Variants in ARIH1 observed in about 807,000 individuals in gnomAD.
The protein encoded by ARIH1 is E3 ubiquitin-protein ligase ARIH1.
In ARIH1, 8 loss-of-function variants were observed where a neutral mutation model predicts 85.0. The ratio of observed to expected loss-of-function variants is 0.09; its 90% confidence interval spans 0.06 to 0.17. The LOEUF (loss-of-function observed/expected upper bound fraction) is 0.17. Ranked by LOEUF, ARIH1 falls within the 10% of genes least tolerant of loss-of-function variation. The pLI, the probability that ARIH1 is intolerant of heterozygous loss-of-function variation, is 1.00. For missense variants in ARIH1, 311 were observed against 718.1 expected (o/e 0.43, Z 6.48); for synonymous variants, 238 against 253.6 (o/e 0.94, Z 0.59).
intron 11 of ARIH1, among the ~76,000 whole-genome samples, chr15:72,574,960 A>G (rs2064263972): frequency 6.8e-6 from 1 of 146,538 alleles, no homozygotes; most frequent in Admixed American, 7.0e-5. Context: ...TTAGCCATGC[A>G]TGTTGGTGTG....
chr15:72,579,168 C>G (rs2064285025), intron 11 of ARIH1, among the ~76,000 whole-genome samples: 1 of 152,160 alleles, frequency 6.6e-6, no homozygotes, highest in African/African-American at 2.4e-5. Flanking sequence ...TCTTGAGTCT[C>G]CTCTACCTGT....
chr15:72,576,340 C>T (rs1160074494), intron 11 of ARIH1, among the ~76,000 whole-genome samples: 1 of 151,802 alleles, frequency 6.6e-6, no homozygotes, highest in African/African-American at 2.4e-5. Context: ...CCCATCTCTA[C>T]TAAAAATACA....
At chr15:72,546,678 GTTTGT>G (rs1454106480) in intron 3 of ARIH1, among the ~76,000 whole-genome samples, 3 of 151,028 alleles carry the variant, frequency 2.0e-5, no homozygotes, top group Non-Finnish European at 4.4e-5. Context: ...TGTGTGTTTT[GTTTGT>G]TTTGTTTTGT....
intron 2 of ARIH1, among the ~76,000 whole-genome samples, chr15:72,528,100 C>G (rs1461948379): frequency 1.3e-5 from 2 of 152,054 alleles, no homozygotes; most frequent in African/African-American, 4.8e-5. Flanking sequence ...TTTCTTGCAG[C>G]TCAGATTTCT....
chr15:72,490,974 G>A (rs1038435987), intron 1 of ARIH1, among the ~76,000 whole-genome samples: 4 of 152,014 alleles, frequency 2.6e-5, no homozygotes, highest in Non-Finnish European at 5.9e-5. Flanking sequence ...AAATTAGCCC[G>A]GTGTGGTGGT....
chr15:72,546,655 CTGTGTGTG>C (rs35847751), intron 3 of ARIH1, among the ~76,000 whole-genome samples: 1 of 149,430 alleles, frequency 6.7e-6, no homozygotes, highest in Non-Finnish European at 1.5e-5. Flanking sequence ...GCTGATTTTT[CTGTGTGTG>C]TGTGTGTGTG....
intron 5 of ARIH1, among the ~76,000 whole-genome samples, chr15:72,557,363 G>T (rs950845013): frequency 2.6e-5 from 4 of 151,934 alleles, no homozygotes; most frequent in Non-Finnish European, 4.4e-5. Context: ...TGGCTACTTC[G>T]TTGACAAAGC....
intron 1 of ARIH1, among the ~76,000 whole-genome samples, chr15:72,486,914 C>G (rs550737281): frequency 6.6e-6 from 1 of 151,608 alleles, no homozygotes; most frequent in Non-Finnish European, 1.5e-5. Context: ...AGGCTGGTCT[C>G]GAACTCCTGT....
At position 72,589,224 on chromosome 15, in the gene ARIH1, G is replaced by A. The variant is rs1261896017; in HGVS notation, c.*5932G>A. 1 of 152,124 alleles carries A rather than the reference G, an allele frequency of 6.6e-6. No individual in the cohort carries two copies. Among genetic ancestry groups the A allele is most frequent in the Non-Finnish European group, 1.5e-5 (1 of 68,036 alleles). The allele number at this position is 152,124 out of a possible 1,614,324, so 9.4% of individuals were successfully genotyped here. A position where few individuals can be genotyped will look rare whatever the true frequency, so the allele number is the denominator to read the frequency against. Reference sequence around the variant, plus strand: ...TCATATACTACTAACTTACTCAAAAGTTACACATTGAGTGTATAACAGGGC... The same window carrying A: ...TCATATACTACTAACTTACTCAAAAATTACACATTGAGTGTATAACAGGGC... On this transcript the variant is annotated 3_prime_UTR_variant, in exon 14 of 14. Transcript: ENST00000379887.
At chr15:72,506,559 G>GA (rs2063926623) in intron 1 of ARIH1, among the ~76,000 whole-genome samples, 1 of 151,848 alleles carries the variant, frequency 6.6e-6, no homozygotes, top group Non-Finnish European at 1.5e-5. Flanking sequence ...ATATTCCTTA[G>GA]AATACAGATG....
At chr15:72,477,009 C>T (rs916803539) in intron 1 of ARIH1, among the ~76,000 whole-genome samples, 3 of 152,042 alleles carry the variant, frequency 2.0e-5, no homozygotes, top group African/African-American at 7.2e-5. Context: ...TTGAAAATAT[C>T]CTCATAGGTC....
chr15:72,520,709 A>G (rs1235320585), intron 2 of ARIH1, among the ~76,000 whole-genome samples: 1 of 152,196 alleles, frequency 6.6e-6, no homozygotes, highest in South Asian at 2.1e-4. Flanking sequence ...CCTACTTACA[A>G]CTATATAAAA....
At chr15:72,546,432 C>CT (rs1244272464) in intron 3 of ARIH1, among the ~76,000 whole-genome samples, 3 of 152,170 alleles carry the variant, frequency 2.0e-5, no homozygotes, top group African/African-American at 4.8e-5. Context: ...GATCGTAACT[C>CT]TAACGTGAAA....
chr15:72,516,855 A>G (rs1303092419), intron 1 of ARIH1, among the ~76,000 whole-genome samples: 1 of 152,154 alleles, frequency 6.6e-6, no homozygotes, highest in Non-Finnish European at 1.5e-5. Context: ...GTCCACAGAG[A>G]TCTTTTTTGG....
At chr15:72,520,968 C>G (rs1424017236) in intron 2 of ARIH1, among the ~76,000 whole-genome samples, 1 of 152,030 alleles carries the variant, frequency 6.6e-6, no homozygotes, top group Non-Finnish European at 1.5e-5. Context: ...TTCAGCACCC[C>G]CAGTAGCTGG....
rs569048183 is a variant in ARIH1 at position 72,569,766 on chromosome 15, G to A, written c.1027-411G>A. On this transcript the variant is annotated intron_variant, in intron 9 of 13. Transcript: ENST00000379887. ...ATAGTACTGTTATTACTATATATAT[G>A]ACTAAAAGTACTTAAAATGATTTGT... Among the ~76,000 whole-genome samples, 6 of 152,162 alleles carry A rather than the reference G, an allele frequency of 3.9e-5. No individual in the cohort carries two copies. In the East Asian group the frequency reaches 1.2e-3, roughly 29 times the overall value.
chr15:72,527,456 A>G (rs1298681082), intron 2 of ARIH1, among the ~76,000 whole-genome samples: 1 of 150,360 alleles, frequency 6.7e-6, no homozygotes, highest in Non-Finnish European at 1.5e-5. Flanking sequence ...GAATTCTCTC[A>G]CCTGGAGGGA....
intron 1 of ARIH1, among the ~76,000 whole-genome samples, chr15:72,490,754 A>G (rs1390486594): frequency 6.6e-6 from 1 of 152,108 alleles, no homozygotes; most frequent in East Asian, 1.9e-4. Context: ...TGGGCAGCCA[A>G]TAGCATAGGA....
intron 5 of ARIH1, among the ~76,000 whole-genome samples, chr15:72,559,306 G>T (rs2064187877): frequency 6.6e-6 from 1 of 151,966 alleles, no homozygotes; most frequent in East Asian, 1.9e-4. Context: ...TCTCTCTGTT[G>T]CCCAGAGTGG....
Sources: allele counts gnomAD v4.1 joint callset (sites outside exome capture counted in the v4.1 genomes callset), GRCh38; gene constraint gnomAD v4.1.1; transcripts MANE v1.5; gene names NCBI Gene and HGNC (gene_info 2026-07-23, HGNC 2026-07-21).